AFG1L: variants seen among roughly 807,000 people sequenced by gnomAD.
The protein encoded by AFG1L is AFG1 like ATPase, also known as AFG1-like ATPase.
A neutral mutation model predicts 62.2 loss-of-function variants in AFG1L; 53 were observed. The ratio of observed to expected loss-of-function variants is 0.85; its 90% CI spans 0.68 to 1.07. The LOEUF (loss-of-function observed/expected upper bound fraction) is 1.07. AFG1L is among the 50% of genes least tolerant of loss of function. AFG1L has a pLI of 0.00. For synonymous variants in AFG1L, 228 were observed against 210.3 expected (o/e 1.08, Z -0.73); for missense variants, 555 against 590.5 (o/e 0.94, Z 0.62).
At chr6:108,435,646 T>C (rs1441958952) in intron 7 of AFG1L, among the ~76,000 whole-genome samples, 1 of 152,092 alleles carries the variant, frequency 6.6e-6, no homozygotes, top group Admixed American at 6.6e-5. Flanking sequence ...GACTCGAGTG[T>C]GTGGCACTCA....
chr6:108,309,350 A>G (rs1777320099), intron 1 of AFG1L, among the ~76,000 whole-genome samples: 1 of 152,084 alleles, frequency 6.6e-6, no homozygotes, highest in African/African-American at 2.4e-5. Context: ...CCATTGGTCT[A>G]TTCTTGTACC....
rs764678347 is a variant in AFG1L, at chr6:108,323,831, C to T, written c.146C>T (p.Thr49Met). The T allele has an allele frequency of 1.2e-5, 20 of 1,612,146 alleles. 1 individual carries two copies. Among genetic ancestry groups the T allele is most frequent in the South Asian group, 1.1e-4 (10 of 91,064 alleles). Residue 49 changes from threonine (T) to methionine (M), a missense_variant, in exon 2 of 13, where the codon ACG becomes ATG. By Grantham distance (81) the Thr-to-Met change is moderately conservative (BLOSUM62 -1). Coordinates refer to ENST00000368977, the MANE Select transcript of AFG1L (RefSeq NM_145315.5). ...TTTATGTTTTTGTTTATAGCCTATACGGTTCAGACATCCGAGAGCATGACC... is the reference window on the plus strand; with the variant it reads ...TTTATGTTTTTGTTTATAGCCTATATGGTTCAGACATCCGAGAGCATGACC... ...APGKPFWKAY[T>M]VQTSESMTPT...
intron 8 of AFG1L, among the ~76,000 whole-genome samples, chr6:108,467,094 A>G (rs1272640366): frequency 6.6e-6 from 1 of 152,170 alleles, no homozygotes; most frequent in Non-Finnish European, 1.5e-5. Flanking sequence ...TAGAGATTTG[A>G]CCAATGTCAG....
chr6:108,412,213 G>T (rs1782149875), intron 7 of AFG1L, among the ~76,000 whole-genome samples: 1 of 152,106 alleles, frequency 6.6e-6, no homozygotes, highest in Non-Finnish European at 1.5e-5. Flanking sequence ...GAAGTTTAGA[G>T]AAAAAAGAGT....
chr6:108,441,701 TAAAA>T (rs33913085), intron 7 of AFG1L, among the ~76,000 whole-genome samples: 4 of 141,792 alleles, frequency 2.8e-5, no homozygotes, highest in African/African-American at 1.1e-4. Context: ...GAGGTTTATT[TAAAA>T]AAAAAAAATA....
chr6:108,313,930 C>G (rs1054592840), intron 1 of AFG1L, among the ~76,000 whole-genome samples: 1 of 152,124 alleles, frequency 6.6e-6, no homozygotes, highest in Non-Finnish European at 1.5e-5. Context: ...GAAAATAATT[C>G]ACAGCTGGGT....
At chr6:108,338,292 A>T (rs552175308) in intron 2 of AFG1L, among the ~76,000 whole-genome samples, 1 of 152,312 alleles carries the variant, frequency 6.6e-6, no homozygotes, top group Non-Finnish European at 1.5e-5. Flanking sequence ...CATCTAATTC[A>T]TAAGTCATTT....
chr6:108,357,074 C>T (rs908123019), intron 5 of AFG1L, among the ~76,000 whole-genome samples: 4 of 151,978 alleles, frequency 2.6e-5, no homozygotes, highest in Non-Finnish European at 2.9e-5. Flanking sequence ...CACACATGCA[C>T]GTGCACACAC....
chr6:108,336,967 A>T (rs1157078588), intron 2 of AFG1L, among the ~76,000 whole-genome samples: 1 of 152,236 alleles, frequency 6.6e-6, no homozygotes, highest in African/African-American at 2.4e-5. Flanking sequence ...TAGTAATGTT[A>T]TCTAAAGTAG....
chr6:108,446,491 C>CTTTTTT (rs1184074963), intron 7 of AFG1L, among the ~76,000 whole-genome samples: 86 of 122,236 alleles, frequency 7.0e-4, no homozygotes, highest in African/African-American at 1.6e-3. Flanking sequence ...CTCTCTCTCT[C>CTTTTTT]TTTTTTTTTT....
chr6:108,463,987 G>C (rs1028811851), intron 8 of AFG1L, among the ~76,000 whole-genome samples: 9 of 152,184 alleles, frequency 5.9e-5, no homozygotes, highest in Non-Finnish European at 1.3e-4. Flanking sequence ...CACTGCCAGG[G>C]AAGTTTGGCA....
intron 11 of AFG1L, among the ~76,000 whole-genome samples, chr6:108,518,204 G>A (rs796076112): frequency 6.6e-6 from 1 of 152,118 alleles, no homozygotes; most frequent in Non-Finnish European, 1.5e-5. Flanking sequence ...ACATGCACAC[G>A]TATGTTTATT....
chr6:108,386,079 C>T (rs1435146864), intron 6 of AFG1L, among the ~76,000 whole-genome samples: 1 of 152,152 alleles, frequency 6.6e-6, no homozygotes, highest in Non-Finnish European at 1.5e-5. Context: ...TGCCACTGCA[C>T]TCTAGCCTGG....
intron 7 of AFG1L, among the ~76,000 whole-genome samples, chr6:108,407,227 CT>C (rs1299380671): frequency 6.6e-6 from 1 of 152,136 alleles, no homozygotes; most frequent in Admixed American, 6.5e-5. Flanking sequence ...GTGGTATTTG[CT>C]TTAGTTAGAA....
intron 8 of AFG1L, among the ~76,000 whole-genome samples, chr6:108,464,559 C>T (rs957786610): frequency 6.6e-6 from 1 of 152,138 alleles, no homozygotes; most frequent in South Asian, 2.1e-4. Context: ...GAACAGTGGT[C>T]GATTCCAGGG....
At chr6:108,308,768 A>G (rs375070053) in intron 1 of AFG1L, among the ~76,000 whole-genome samples, 75 of 152,158 alleles carry the variant, frequency 4.9e-4, no homozygotes, top group South Asian at 8.3e-4. Context: ...CAGTGGCACA[A>G]TCTTGGCTCA....
At chr6:108,388,752 T>C (rs1453562060) in intron 6 of AFG1L, among the ~76,000 whole-genome samples, 7 of 151,554 alleles carry the variant, frequency 4.6e-5, no homozygotes, top group South Asian at 4.2e-4. Flanking sequence ...CAGTTTGTTA[T>C]AATTTCTGTT....
Position 108,324,528 on chromosome 6 carries a change from G to A in AFG1L, c.363+480G>A, listed in dbSNP as rs970353940. Among the ~76,000 whole-genome samples the A allele has an allele frequency of 4.6e-5, 7 of 152,230 alleles. No individual in the cohort carries two copies. In the East Asian group the frequency reaches 1.4e-3, roughly 29 times the overall value. On this transcript the variant is annotated intron_variant, in intron 2 of 12. Transcript: ENST00000368977. ...GATGCTGACGTGCTAGCTCTTTGTTGAGGGTCTTATTGGTGGGTTCTTCAA... is the reference window on the plus strand; with the variant it reads ...GATGCTGACGTGCTAGCTCTTTGTTAAGGGTCTTATTGGTGGGTTCTTCAA...
intron 6 of AFG1L, among the ~76,000 whole-genome samples, chr6:108,391,516 A>T (rs1781056984): frequency 1.3e-5 from 2 of 152,042 alleles, no homozygotes; most frequent in Non-Finnish European, 2.9e-5. Flanking sequence ...TTCCTTGTAG[A>T]TTCTGGATAT....
Sources: gnomAD v4.1 joint callset for allele counts (sites outside exome capture counted in the v4.1 genomes callset) on GRCh38, gnomAD v4.1.1 for gene constraint, MANE v1.5 for transcripts, NCBI Gene and HGNC (gene_info 2026-07-23, HGNC 2026-07-21) for gene names.